The following MAF variants were observed in gnomAD, a reference collection of about 807,000 sequenced individuals.
MAF encodes the protein transcription factor Maf.
A neutral mutation model predicts 22.0 loss-of-function variants in MAF; 10 were observed. The observed-to-expected ratio is 0.45, with a 90% CI of 0.28 to 0.77. The LOEUF (loss-of-function observed/expected upper bound fraction) is 0.77, where lower values mean the gene tolerates loss of function less well. MAF is among the 30% of genes least tolerant of loss of function. The probability of loss-of-function intolerance (pLI) is 0.12; values close to 1 mark genes in which losing one functional copy is unlikely to be tolerated. For missense variants in MAF, 544 were observed against 548.4 expected, an observed-to-expected ratio of 0.99 and a Z score of 0.08; for synonymous variants, 337 against 255.8, an observed-to-expected ratio of 1.32 and a Z score of -3.03.
chr16:79,336,496 T>C, the MAF span, among the ~76,000 whole-genome samples: 1 of 152,330 alleles, frequency 6.6e-6, no homozygotes, highest in African/African-American at 2.4e-5. Context: ...AAATCCTAAA[T>C]AAAATTGCCT....
intron 1 of MAF, chr16:79,596,922 T>C (rs1365249629): frequency 3.8e-6 from 4 of 1,050,262 alleles, no homozygotes; most frequent in East Asian, 1.1e-4. Flanking sequence ...GGTTATATCT[T>C]AGTGCAATTC....
the MAF span, among the ~76,000 whole-genome samples, chr16:79,398,270 C>G: frequency 2.0e-5 from 3 of 152,210 alleles, no homozygotes; most frequent in Admixed American, 1.3e-4. Context: ...GCAAGATAAT[C>G]CAGGATAATC....
Position 79,594,391 on chromosome 16 carries a change from T to G in MAF, c.*69A>C. 7.4e-7 allele frequency: 1 copy of G among 1,346,698 alleles called. No homozygotes were observed. The highest frequency in any genetic ancestry group is 1.0e-6 in the Non-Finnish European group (1 of 961,124). The allele number at this position is 1,346,698 out of a possible 1,614,324, so 83.4% of individuals were successfully genotyped here. A position where few individuals can be genotyped will look rare whatever the true frequency, so the allele number is the denominator to read the frequency against. Reference sequence around the variant, plus strand: ...AGACTAAACAGAAGTCAGGGGTAGGTGGTTCTCCATGACTGCAAATAATAA... The same window carrying G: ...AGACTAAACAGAAGTCAGGGGTAGGGGGTTCTCCATGACTGCAAATAATAA... On this transcript the variant is annotated 3_prime_UTR_variant, in exon 2 of 2. Coordinates refer to ENST00000326043, the MANE Select transcript of MAF (RefSeq NM_005360.5).
the MAF span, among the ~76,000 whole-genome samples, chr16:79,418,124 C>A: frequency 3.4e-4 from 51 of 152,188 alleles, no homozygotes; most frequent in Non-Finnish European, 6.5e-4. Context: ...GACCTATCTT[C>A]ATTGCCAGCC....
At chr16:79,502,679 A>G in the MAF span, among the ~76,000 whole-genome samples, 1 of 12,906 alleles carries the variant, frequency 7.7e-5, no homozygotes, top group Non-Finnish European at 1.7e-4. Context: ...AAATAAATAA[A>G]TATAAATATA....
chr16:79,243,975 A>G, the MAF span, among the ~76,000 whole-genome samples: 274 of 152,224 alleles, frequency 1.8e-3, 3 homozygotes, highest in African/African-American at 6.3e-3. Flanking sequence ...CCACGTGTTT[A>G]TCTCAGTAGA....
chr16:79,569,283 C>T, the MAF span, among the ~76,000 whole-genome samples: 3 of 152,310 alleles, frequency 2.0e-5, no homozygotes, highest in South Asian at 4.1e-4. Context: ...GGCCCCCCTG[C>T]CTTGAGTCTT....
downstream of MAF, among the ~76,000 whole-genome samples, chr16:79,583,125 C>A (rs760763314): frequency 2.0e-5 from 3 of 152,208 alleles, no homozygotes; most frequent in Non-Finnish European, 4.4e-5. Flanking sequence ...CAACACTCAG[C>A]ATCAGGAAAC....
At chr16:79,348,128 G>A in the MAF span, among the ~76,000 whole-genome samples, 1 of 152,246 alleles carries the variant, frequency 6.6e-6, no homozygotes, top group Non-Finnish European at 1.5e-5. Context: ...AAAATGAGAA[G>A]TGACTCCCCC....
At chr16:79,280,959 C>T in the MAF span, among the ~76,000 whole-genome samples, 1 of 152,114 alleles carries the variant, frequency 6.6e-6, no homozygotes, top group African/African-American at 2.4e-5. Flanking sequence ...ACCCCCGACC[C>T]TGAGAAAGGA....
the MAF span, among the ~76,000 whole-genome samples, chr16:79,550,086 C>T: frequency 6.6e-6 from 1 of 152,078 alleles, no homozygotes; most frequent in Non-Finnish European, 1.5e-5. Flanking sequence ...CAAGCTCATA[C>T]TGCTCTCTCC....
Position 79,599,507 on chromosome 16 carries a change from C to G in MAF, c.396G>C (p.Ala132=), listed in dbSNP as rs983284508. 7 of 1,518,926 alleles carry G rather than the reference C, an allele frequency of 4.6e-6. No individual in the cohort carries two copies. The African/African-American group carries it at 7.1e-5, about 15-fold the overall frequency. 94.1% of individuals were successfully genotyped at this position (1,518,926 alleles called of 1,614,324 possible). A position where few individuals can be genotyped will look rare whatever the true frequency, so the allele number is the denominator to read the frequency against. Residue 132 remains alanine, a synonymous_variant, in exon 1 of 2, where the codon GCG becomes GCC. Transcript: ENST00000326043. ...CCGCGGCCAGCTGCTGCGCCCCGCGCGCGTAGCCATCGAAGCCGCCCTGGA... is the reference window on the plus strand; with the variant it reads ...CCGCGGCCAGCTGCTGCGCCCCGCGGGCGTAGCCATCGAAGCCGCCCTGGA... ...HQLQGGFDGY[A]RGAQQLAAAA...
the MAF span, among the ~76,000 whole-genome samples, chr16:79,265,281 A>G: frequency 6.6e-6 from 1 of 152,166 alleles, no homozygotes; most frequent in Admixed American, 6.5e-5. Flanking sequence ...CAATACTTTA[A>G]TCCTGACTAT....
chr16:79,361,332 G>A, the MAF span, among the ~76,000 whole-genome samples: 1 of 152,264 alleles, frequency 6.6e-6, no homozygotes, highest in East Asian at 1.9e-4. Flanking sequence ...GAAGGATGTG[G>A]AAATCACCAA....
At chr16:79,397,701 G>C in the MAF span, among the ~76,000 whole-genome samples, 1 of 152,134 alleles carries the variant, frequency 6.6e-6, no homozygotes, top group African/African-American at 2.4e-5. Flanking sequence ...ATGCTTTGCA[G>C]GGCATAGCTG....
chr16:79,430,657 G>C, the MAF span, among the ~76,000 whole-genome samples: 2 of 152,192 alleles, frequency 1.3e-5, no homozygotes. Context: ...AGGAAGCCTG[G>C]CAGGGGAGAG....
chr16:79,492,504 T>G, the MAF span, among the ~76,000 whole-genome samples: 1 of 151,720 alleles, frequency 6.6e-6, no homozygotes, highest in African/African-American at 2.4e-5. Context: ...TGCTTTTGAC[T>G]CAGCAATCCC....
At chr16:79,311,045 A>G in the MAF span, among the ~76,000 whole-genome samples, 4,802 of 145,186 alleles carry the variant, frequency 0.033, 280 homozygotes, top group African/African-American at 0.12. Context: ...TGCAAAATGC[A>G]CCCAATTCAA....
chr16:79,410,120 G>C, the MAF span, among the ~76,000 whole-genome samples: 11 of 152,174 alleles, frequency 7.2e-5, no homozygotes, highest in African/African-American at 2.7e-4. Flanking sequence ...ACACTGCTGA[G>C]TGTTCAAACT....
Sources: gnomAD v4.1 joint callset for allele counts (sites outside exome capture counted in the v4.1 genomes callset) on GRCh38, gnomAD v4.1.1 for gene constraint, MANE v1.5 for transcripts, NCBI Gene and HGNC (gene_info 2026-07-23, HGNC 2026-07-21) for gene names.